Variants in IGF2BP3 observed in about 807,000 individuals in gnomAD.
The protein encoded by IGF2BP3 is insulin-like growth factor 2 mRNA-binding protein 3.
Under a neutral mutation model 73.8 loss-of-function variants are expected in IGF2BP3, and 9 were observed. That is an observed-to-expected ratio of 0.12 (90% CI 0.07 to 0.21). The LOEUF (loss-of-function observed/expected upper bound fraction) is 0.21. IGF2BP3 is among the 10% of genes least tolerant of loss of function. The pLI, the probability that IGF2BP3 is intolerant of heterozygous loss-of-function variation, is 1.00. For missense variants in IGF2BP3, 542 were observed against 714.0 expected, an observed-to-expected ratio of 0.76 and a Z score of 2.75; for synonymous variants, 258 against 256.7, an observed-to-expected ratio of 1.01 and a Z score of -0.05.
intron 3 of IGF2BP3, chr7:23,416,027 A>C (rs981484217): frequency 6.6e-6 from 1 of 152,212 alleles, no homozygotes; most frequent in East Asian, 1.9e-4. Flanking sequence ...AGGCTTTATC[A>C]TGCATAATCC....
At chr7:23,330,325 ATATATT>A (rs1340012825) in intron 10 of IGF2BP3, among the ~76,000 whole-genome samples, 1 of 148,366 alleles carries the variant, frequency 6.7e-6, no homozygotes, top group African/African-American at 2.4e-5. Flanking sequence ...TTTATACAAT[ATATATT>A]TATATAATAT....
At chr7:23,439,554 C>CCA (rs34067366) in intron 2 of IGF2BP3, among the ~76,000 whole-genome samples, 1 of 56,724 alleles carries the variant, frequency 1.8e-5, no homozygotes, top group African/African-American at 6.5e-5. Context: ...GACTCCGTCT[C>CCA]AAAAAAAAAA....
rs1289721211 is a variant in IGF2BP3, at chr7:23,310,231, T to C, written c.*2131A>G. ...AGCTGCACCTAAATGATGAAAAAAT[T>C]TATTCTGCGTCAAGGTATCTGGAAA... On this transcript the variant is annotated 3_prime_UTR_variant, in exon 15 of 15. Transcript: ENST00000258729. 6.6e-6 allele frequency: 1 copy of C among 152,192 alleles called. No individual in the cohort carries two copies. The highest frequency in any genetic ancestry group is 1.5e-5 in the Non-Finnish European group (1 of 68,034). 9.4% of individuals were successfully genotyped at this position (152,192 alleles called of 1,614,324 possible). A position where few individuals can be genotyped will look rare whatever the true frequency, so the allele number is the denominator to read the frequency against.
In IGF2BP3 at chr7:23,351,298, T is replaced by C. The variant is rs531351611; in HGVS notation, c.683+7A>G. ...ATGAACACCCACCACACACTCAGCATACTCACTTAGACTGGGTCTGTTTGG... is the reference window on the plus strand; with the variant it reads ...ATGAACACCCACCACACACTCAGCACACTCACTTAGACTGGGTCTGTTTGG... On this transcript the variant is annotated splice_region_variant and intron_variant, in intron 6 of 14. Transcript: ENST00000258729. 2.5e-6 allele frequency: 4 copies of C among 1,613,318 alleles called. No homozygotes were observed. Among genetic ancestry groups the C allele is most frequent in the Non-Finnish European group, 3.4e-6 (4 of 1,179,708 alleles).
intron 2 of IGF2BP3, among the ~76,000 whole-genome samples, chr7:23,462,411 G>A (rs1788470319): frequency 6.6e-6 from 1 of 151,070 alleles, no homozygotes; most frequent in Non-Finnish European, 1.5e-5. Context: ...ACCCAGGCTG[G>A]AGTGCAGTAG....
rs1421967277 is a variant in IGF2BP3, at chr7:23,445,700, CTG to C, written c.236+22780_236+22781del. ...AGATAGCACATCAAAATGCCAGAGACTGGGGAAAAATGCATGATCATGAGCTA... is the reference window on the plus strand; with the variant it reads ...AGATAGCACATCAAAATGCCAGAGACGGGAAAAATGCATGATCATGAGCTA... On this transcript the variant is annotated intron_variant, in intron 2 of 14. Coordinates refer to ENST00000258729, the MANE Select transcript of IGF2BP3 (RefSeq NM_006547.3). Among the ~76,000 whole-genome samples the C allele has an allele frequency of 3.3e-5, 5 of 152,178 alleles. No individual in the cohort carries two copies. In the East Asian group the frequency reaches 9.7e-4, roughly 29 times the overall value.
At chr7:23,450,373 T>C (rs1788169795) in intron 2 of IGF2BP3, among the ~76,000 whole-genome samples, 1 of 152,226 alleles carries the variant, frequency 6.6e-6, no homozygotes, top group South Asian at 2.1e-4. Flanking sequence ...ATCTGGCAGA[T>C]ATTTTCTCAA....
At chr7:23,398,630 T>C (rs541510308) in intron 3 of IGF2BP3, among the ~76,000 whole-genome samples, 1 of 152,338 alleles carries the variant, frequency 6.6e-6, no homozygotes, top group African/African-American at 2.4e-5. Flanking sequence ...TGGTATCTCA[T>C]TGTGGTTTTG....
intron 2 of IGF2BP3, among the ~76,000 whole-genome samples, chr7:23,449,767 T>C (rs1222324089): frequency 1.3e-5 from 2 of 151,886 alleles, no homozygotes; most frequent in Admixed American, 6.6e-5. Flanking sequence ...TTAACTCTAT[T>C]GGCCAGGCTG....
chr7:23,353,527 AG>A (rs1189152051), intron 5 of IGF2BP3, among the ~76,000 whole-genome samples: 1 of 152,194 alleles, frequency 6.6e-6, no homozygotes, highest in Non-Finnish European at 1.5e-5. Flanking sequence ...CAACCCTCCA[AG>A]GCCCTTCCCA....
At chr7:23,392,780 C>T (rs1786327480) in intron 3 of IGF2BP3, among the ~76,000 whole-genome samples, 1 of 152,174 alleles carries the variant, frequency 6.6e-6, no homozygotes, top group East Asian at 1.9e-4. Context: ...CAGACGTGGG[C>T]CACCACGCCT....
intron 3 of IGF2BP3, among the ~76,000 whole-genome samples, chr7:23,372,130 G>A (rs1289495838): frequency 6.6e-6 from 1 of 151,576 alleles, no homozygotes; most frequent in Non-Finnish European, 1.5e-5. Context: ...CTGGAGTGCA[G>A]TGGCACGATC....
intron 2 of IGF2BP3, among the ~76,000 whole-genome samples, chr7:23,419,166 T>G (rs1466302213): frequency 6.6e-6 from 1 of 152,216 alleles, no homozygotes; most frequent in Non-Finnish European, 1.5e-5. Context: ...AACAAGGCCT[T>G]AGTCCAGGTG....
At chr7:23,460,183 A>T (rs1373944351) in intron 2 of IGF2BP3, among the ~76,000 whole-genome samples, 3 of 149,408 alleles carry the variant, frequency 2.0e-5, no homozygotes, top group Admixed American at 1.3e-4. Context: ...TGCCTCAAAA[A>T]AAAAAAAAAA....
At chr7:23,324,059 A>G (rs1784227801) in intron 10 of IGF2BP3, among the ~76,000 whole-genome samples, 2 of 152,222 alleles carry the variant, frequency 1.3e-5, no homozygotes, top group Admixed American at 1.3e-4. Context: ...AAGGCAAGAA[A>G]TAACTAAAAT....
At chr7:23,435,678 G>A (rs752941215) in intron 2 of IGF2BP3, among the ~76,000 whole-genome samples, 4 of 152,146 alleles carry the variant, frequency 2.6e-5, no homozygotes, top group South Asian at 2.1e-4. Flanking sequence ...GGATGGTCTC[G>A]ATCTCCTGAC....
At chr7:23,407,076 G>A (rs1267655625) in intron 3 of IGF2BP3, among the ~76,000 whole-genome samples, 1 of 150,720 alleles carries the variant, frequency 6.6e-6, no homozygotes, top group African/African-American at 2.4e-5. Flanking sequence ...AAAATTACTA[G>A]TATCAGAATT....
At chr7:23,411,173 A>G (rs1787006367) in intron 3 of IGF2BP3, among the ~76,000 whole-genome samples, 1 of 152,162 alleles carries the variant, frequency 6.6e-6, no homozygotes, top group Admixed American at 6.5e-5. Flanking sequence ...TCTGACTCCC[A>G]TTACTACTTC....
At chr7:23,403,824 C>A (rs1562730454) in intron 3 of IGF2BP3, among the ~76,000 whole-genome samples, 2 of 151,836 alleles carry the variant, frequency 1.3e-5, no homozygotes, top group Non-Finnish European at 2.9e-5. Context: ...GAAGAGAATC[C>A]ATCTAGAGAG....
Sources: allele counts gnomAD v4.1 joint callset (sites outside exome capture counted in the v4.1 genomes callset), GRCh38; gene constraint gnomAD v4.1.1; transcripts MANE v1.5; gene names NCBI Gene and HGNC (gene_info 2026-07-23, HGNC 2026-07-21).